SSUH2: variants seen among roughly 807,000 people sequenced by gnomAD.
The protein encoded by SSUH2 is ssu-2 homolog.
A neutral mutation model predicts 55.3 loss-of-function variants in SSUH2; 47 were observed. The ratio of observed to expected loss-of-function variants is 0.85; its 90% CI spans 0.67 to 1.08. The LOEUF (loss-of-function observed/expected upper bound fraction) is 1.08, where lower values mean the gene tolerates loss of function less well. Among genes scored for constraint, SSUH2 ranks in the 50% least tolerant of loss-of-function variants. SSUH2 has a pLI of 0.00. For missense variants in SSUH2, 535 were observed against 490.7 expected (o/e 1.09, Z -0.85); for synonymous variants, 212 against 191.5 (o/e 1.11, Z -0.89).
At chr3:8,676,751 C>T (rs1474330576) in intron 3 of SSUH2, among the ~76,000 whole-genome samples, 3 of 148,410 alleles carry the variant, frequency 2.0e-5, no homozygotes, top group South Asian at 2.1e-4. Flanking sequence ...TTCTCTCCCC[C>T]TCTTCCCACC....
chr3:8,620,021 A>G lies in SSUH2; in HGVS notation c.982-7T>C, dbSNP rs1696091576. On this transcript the variant is annotated splice_polypyrimidine_tract_variant and splice_region_variant and intron_variant, in intron 11 of 11. Transcript: ENST00000544814. Reference sequence around the variant, plus strand: ...TCAGCTCAATGGTCTGGCGCTGAGGAAACAAATAGCCAAGGAAAATGTCAG... The same window carrying G: ...TCAGCTCAATGGTCTGGCGCTGAGGGAACAAATAGCCAAGGAAAATGTCAG... The G allele has an allele frequency of 6.2e-7, 1 of 1,613,522 alleles. No homozygotes were observed. Among genetic ancestry groups the G allele is most frequent in the South Asian group, 1.1e-5 (1 of 90,974 alleles).
rs777554607 is a variant in SSUH2, at chr3:8,623,641, C to A, written c.889G>T (p.Asp297Tyr). ...AGAGAGATGTCTCGCAGAGGGAAGT[C>A]CACGATGGGGTACACCTGGGGGAAA... The part of the protein sequence containing the change: ...DENSVVYPIV[D>Y]FPLRDISLAS... The change falls in exon 11 of 12, where the codon GAC (aspartate) becomes TAC (tyrosine). Residue 297 changes from aspartate (D) to tyrosine (Y), a missense_variant. By Grantham distance (160) the Asp-to-Tyr change is radical. Transcript: ENST00000544814. 2 of 1,531,660 alleles carry A rather than the reference C, an allele frequency of 1.3e-6. No homozygotes were observed. The highest frequency in any genetic ancestry group is 2.4e-5 in the South Asian group (2 of 82,980). The allele number at this position is 1,531,660 out of a possible 1,614,324, so 94.9% of individuals were successfully genotyped here. A position where few individuals can be genotyped will look rare whatever the true frequency, so the allele number is the denominator to read the frequency against.
intron 11 of SSUH2, among the ~76,000 whole-genome samples, chr3:8,621,734 C>T (rs1696487639): frequency 6.6e-6 from 1 of 152,162 alleles, no homozygotes; most frequent in Admixed American, 6.5e-5. Flanking sequence ...ATCCAAATGA[C>T]AATTTCGGAA....
chr3:8,644,965 G>A (rs1190604837), upstream of SSUH2, among the ~76,000 whole-genome samples: 1 of 152,174 alleles, frequency 6.6e-6, no homozygotes, highest in Non-Finnish European at 1.5e-5. Flanking sequence ...TTCCACAAGA[G>A]CCTTCTACTG....
chr3:8,619,561 C>T lies in SSUH2; in HGVS notation c.*307G>A, dbSNP rs780092655. The stretch of plus-strand genomic sequence containing the variant: ...AGGGAAAAAGCAAAATCAAATCACA[C>T]GCATCATCGGGGCATTAACTTGGAG... On this transcript the variant is annotated 3_prime_UTR_variant, in exon 12 of 12. Coordinates refer to ENST00000544814, the MANE Select transcript of SSUH2 (RefSeq NM_001256748.3). 7.0e-5 allele frequency: 19 copies of T among 270,822 alleles called. No individual in the cohort carries two copies. Among genetic ancestry groups the T allele is most frequent in the Non-Finnish European group, 1.1e-4 (16 of 145,410 alleles). The allele number at this position is 270,822 out of a possible 1,614,324, so 16.8% of individuals were successfully genotyped here.
intron 7 of SSUH2, among the ~76,000 whole-genome samples, chr3:8,628,673 G>A (rs562170841): frequency 6.6e-6 from 1 of 152,238 alleles, no homozygotes; most frequent in Admixed American, 6.5e-5. Context: ...GGTGGGGACT[G>A]AAGTGGCACA....
At chr3:8,666,579 C>T (rs1704012500) in intron 5 of SSUH2, among the ~76,000 whole-genome samples, 1 of 152,140 alleles carries the variant, frequency 6.6e-6, no homozygotes, top group Non-Finnish European at 1.5e-5. Flanking sequence ...TTTTCCTCTG[C>T]TCTCATACCA....
upstream of SSUH2, among the ~76,000 whole-genome samples, chr3:8,647,771 C>A (rs1247643576): frequency 6.6e-6 from 1 of 152,220 alleles, no homozygotes; most frequent in Non-Finnish European, 1.5e-5. Context: ...CACCCAGAAC[C>A]CCCACAGGAG....
intron 1 of SSUH2, 94 bp from the exon 2 acceptor site, chr3:8,635,951 TA>T (rs2125211062): frequency 9.1e-7 from 1 of 1,100,862 alleles, no homozygotes; most frequent in Non-Finnish European, 1.3e-6. Context: ...GGGTGCATTA[TA>T]AAAAGCCTCA....
At chr3:8,666,972 G>A (rs530331541) in intron 5 of SSUH2, among the ~76,000 whole-genome samples, 7 of 152,348 alleles carry the variant, frequency 4.6e-5, no homozygotes, top group African/African-American at 1.7e-4. Context: ...GAGCTTCCAT[G>A]CCCTCCCATG....
chr3:8,665,649 T>C (rs1189100618), intron 5 of SSUH2, among the ~76,000 whole-genome samples: 1 of 152,148 alleles, frequency 6.6e-6, no homozygotes, highest in African/African-American at 2.4e-5. Context: ...TCCCCCCCGT[T>C]CACCAACGCA....
intron 8 of SSUH2, chr3:8,627,052 T>G (rs1044325211): frequency 6.6e-6 from 1 of 152,244 alleles, no homozygotes; most frequent in African/African-American, 2.4e-5. Flanking sequence ...CCACCAAAGC[T>G]TCTCCAACTG....
chr3:8,635,958 C>G (rs1363965550), intron 1 of SSUH2, 101 bp from the exon 2 acceptor site: 2 of 1,038,818 alleles, frequency 1.9e-6, no homozygotes, highest in Non-Finnish European at 2.8e-6. Context: ...TTATAAAAAG[C>G]CTCACGTTTA....
intron 6 of SSUH2, chr3:8,659,782 T>C (rs1703292965): frequency 2.2e-6 from 1 of 456,460 alleles, no homozygotes; most frequent in South Asian, 1.6e-5. Flanking sequence ...GTGTAAGAGA[T>C]ATGGAGATTC....
chr3:8,624,353 C>T (rs1183080745), intron 10 of SSUH2, among the ~76,000 whole-genome samples: 1 of 152,188 alleles, frequency 6.6e-6, no homozygotes, highest in Non-Finnish European at 1.5e-5. Flanking sequence ...AGGGTCAGCT[C>T]ACAGAGCTGC....
In SSUH2 at chr3:8,630,917, T is replaced by C; in HGVS notation, c.413A>G (p.Asp138Gly). 7.0e-7 allele frequency: 1 copy of C among 1,437,428 alleles called. No homozygotes were observed. Among genetic ancestry groups the C allele is most frequent in the South Asian group, 1.6e-5 (1 of 61,404 alleles). 89.0% of individuals were successfully genotyped at this position (1,437,428 alleles called of 1,614,324 possible). Residue 138 changes from aspartate to glycine, a missense_variant, in exon 6 of 12, where the codon GAT becomes GGT. Coordinates refer to ENST00000544814, the MANE Select transcript of SSUH2 (RefSeq NM_001256748.3). ...GGGGGAGGCGCCTCTTTGCGGCCCA[T>C]CCACAGAGTGGTCTGACACAGAAAG... is the stretch of plus-strand genomic sequence containing the variant. The part of the protein sequence containing the change: ...TFQPFTNHSV[D>G]GPQRGASPRL...
At chr3:8,623,308 G>A (rs1196895891) in intron 11 of SSUH2, 6 of 504,794 alleles carry the variant, frequency 1.2e-5, no homozygotes, top group African/African-American at 3.9e-5. Flanking sequence ...CCCTGCAATC[G>A]CTTCTGGGAA....
chr3:8,627,941 T>C (rs1485191207), intron 7 of SSUH2, among the ~76,000 whole-genome samples, 158 bp from the exon 8 acceptor site: 4 of 152,162 alleles, frequency 2.6e-5, no homozygotes, highest in African/African-American at 7.2e-5. Flanking sequence ...TGGGGTATCT[T>C]TGGATCCTTC....
At chr3:8,679,418 C>CAG (rs1174357370) in intron 2 of SSUH2, among the ~76,000 whole-genome samples, 1 of 139,308 alleles carries the variant, frequency 7.2e-6, no homozygotes, top group East Asian at 2.3e-4. Flanking sequence ...CCTCTTCCCC[C>CAG]CCTGGCTCTT....
Sources: allele counts gnomAD v4.1 joint callset (sites outside exome capture counted in the v4.1 genomes callset), GRCh38; gene constraint gnomAD v4.1.1; transcripts MANE v1.5; gene names NCBI Gene and HGNC (gene_info 2026-07-23, HGNC 2026-07-21).